Variants in CCDC66 observed in about 807,000 individuals in gnomAD.
CCDC66 encodes coiled-coil domain-containing protein 66.
CCDC66 carries 133 observed loss-of-function variants against 128.3 expected under a neutral mutation model. The observed-to-expected ratio is 1.04, with a 90% confidence interval of 0.90 to 1.20. The LOEUF (loss-of-function observed/expected upper bound fraction) is 1.20, where lower values mean the gene tolerates loss of function less well. Ranked by LOEUF, CCDC66 falls within the 50% of genes most tolerant of loss-of-function variation. The pLI is 0.00. For synonymous variants in CCDC66, 387 were observed against 357.0 expected (o/e 1.08, Z -0.95); for missense variants, 1,126 against 1,075.5 (o/e 1.05, Z -0.66).
chr3:56,568,659 G>C (rs569008721), intron 6 of CCDC66, among the ~76,000 whole-genome samples: 5 of 152,076 alleles, frequency 3.3e-5, no homozygotes, highest in African/African-American at 1.2e-4. Flanking sequence ...CATCCTATGC[G>C]TTTAAGGATG....
At chr3:56,602,901 C>G (rs1051567214) in intron 10 of CCDC66, among the ~76,000 whole-genome samples, 2 of 142,344 alleles carry the variant, frequency 1.4e-5, no homozygotes, top group African/African-American at 5.3e-5. Flanking sequence ...GTGGCATGAT[C>G]TCGGCTCACT....
At chr3:56,571,402 A>T in intron 7 of CCDC66, 100 bp downstream of exon 7, 1 of 810,354 alleles carries the variant, frequency 1.2e-6, no homozygotes, top group Admixed American at 3.2e-5. Flanking sequence ...TTTTTTTGAG[A>T]CGGAGTTTCT....
At chr3:56,611,563 C>G (rs1382272476) in intron 10 of CCDC66, among the ~76,000 whole-genome samples, 1 of 117,296 alleles carries the variant, frequency 8.5e-6, no homozygotes, top group Admixed American at 9.8e-5. Context: ...TTCATGCCCA[C>G]CCCCCACCCC....
chr3:56,613,256 T>G (rs1378149785), intron 10 of CCDC66, among the ~76,000 whole-genome samples: 1 of 152,190 alleles, frequency 6.6e-6, no homozygotes, highest in East Asian at 1.9e-4. Context: ...CAAGGGGCTG[T>G]TTGATGGTTA....
chr3:56,619,562 TGAA>T lies in CCDC66; in HGVS notation c.2635+38_2635+40del, dbSNP rs1394273778. 6 of 1,522,710 alleles carry T rather than the reference TGAA, an allele frequency of 3.9e-6. No individual in the cohort carries two copies. The African/African-American group carries it at 1.1e-4, about 29-fold the overall frequency. The allele number at this position is 1,522,710 out of a possible 1,614,324, so 94.3% of individuals were successfully genotyped here. On this transcript the variant is annotated intron_variant, in intron 16 of 17. Transcript: ENST00000394672. ...TATTAAGCATTCTAACTGTAAAAAT[TGAA>T]GACCCATGTAAACCCCGTCAACAAC...
chr3:56,605,048 C>T (rs563948650), intron 10 of CCDC66, among the ~76,000 whole-genome samples: 7 of 152,064 alleles, frequency 4.6e-5, no homozygotes, highest in Middle Eastern at 3.4e-3. Flanking sequence ...CCCTTTCTTA[C>T]GCTTAATCAG....
In CCDC66 at chr3:56,617,270, G is replaced by A. The variant is rs143439199; in HGVS notation, c.2002G>A (p.Ala668Thr). The part of the protein sequence containing the change: ...NKQELTQDKG[A>T]SLEKENNRCN... ...GCAAGAACTAACTCAGGATAAAGGA[G>A]CCAGCTTAGAAAAAGAAAACAATCG... is the stretch of plus-strand genomic sequence containing the variant. Residue 668 changes from alanine (A) to threonine (T), a missense_variant, in exon 14 of 18, where the codon GCC becomes ACC. By Grantham distance (58) the Ala-to-Thr change is moderately conservative (BLOSUM62 0). Coordinates refer to ENST00000394672, the MANE Select transcript of CCDC66 (RefSeq NM_001141947.3). 29 of 1,613,710 alleles carry A rather than the reference G, an allele frequency of 1.8e-5. No homozygotes were observed. Among genetic ancestry groups the A allele is most frequent in the Non-Finnish European group, 2.4e-5 (28 of 1,179,908 alleles).
rs1449364203 is a variant in CCDC66 at position 56,618,035 on chromosome 3, T to G, written c.2338-137T>G. The G allele has an allele frequency of 2.9e-5, 21 of 714,940 alleles. 1 individual carries two copies. The East Asian group carries it at 5.5e-4, about 19-fold the overall frequency. 44.3% of individuals were successfully genotyped at this position (714,940 alleles called of 1,614,324 possible). On this transcript the variant is annotated intron_variant, in intron 14 of 17. Coordinates refer to ENST00000394672, the MANE Select transcript of CCDC66 (RefSeq NM_001141947.3). ...AGTTTTGACTCTGGAAAAAACTATATCTATTCCATTGCTCAGTCAGTACCT... is the reference window on the plus strand; with the variant it reads ...AGTTTTGACTCTGGAAAAAACTATAGCTATTCCATTGCTCAGTCAGTACCT...
At chr3:56,621,818 T>TAAAAAAAAAAAAAAAAAAAACCGA (rs11401064) in exon 18 of CCDC66, 1 of 133,968 alleles carries the variant, frequency 7.5e-6, no homozygotes, top group Admixed American at 8.0e-5. Context: ...AGCTTAGTAG[T>TAAAAAAAAAAAAAAAAAAAACCGA]AAAAAAAAAA....
chr3:56,621,354 G>T, intron 17 of CCDC66, 178 bp from the exon 18 acceptor site: 1 of 410,436 alleles, frequency 2.4e-6, no homozygotes, highest in Non-Finnish European at 4.4e-6. Context: ...TCTTACAAAT[G>T]TGATAGCTAT....
chr3:56,599,068 CTTT>C (rs1031374480), intron 10 of CCDC66, among the ~76,000 whole-genome samples: 1 of 151,874 alleles, frequency 6.6e-6, no homozygotes, highest in Non-Finnish European at 1.5e-5. Context: ...TGTTGGGAGA[CTTT>C]TTTATTACCA....
rs745614273 is a variant in CCDC66, at chr3:56,619,781, T to G, written c.2640T>G (p.Cys880Trp). 1.9e-6 allele frequency: 3 copies of G among 1,613,866 alleles called. No homozygotes were observed. In the African/African-American group the frequency reaches 4.0e-5, roughly 22 times the overall value. The change falls in exon 17 of 18, where the codon TGT becomes TGG. Residue 880 changes from cysteine (C) to tryptophan (W), a missense_variant. Coordinates refer to ENST00000394672, the MANE Select transcript of CCDC66 (RefSeq NM_001141947.3). ...QDPQYQNSQD[C>W]GQKRQLFDSD... ...GTTACTTTCATCTGGCTTTAGACTGTGGCCAAAAACGACAGCTATTTGATT... is the reference window on the plus strand; with the variant it reads ...GTTACTTTCATCTGGCTTTAGACTGGGGCCAAAAACGACAGCTATTTGATT...
At chr3:56,613,855 A>C in intron 11 of CCDC66, 105 bp downstream of exon 11, 48 of 910,396 alleles carry the variant, frequency 5.3e-5, no homozygotes, top group Non-Finnish European at 8.2e-5. Flanking sequence ...ATCATAGCTC[A>C]CTGCAGTCTT....
chr3:56,559,470 A>G, intron 2 of CCDC66, 99 bp from the exon 3 acceptor site: 1 of 754,960 alleles, frequency 1.3e-6, no homozygotes, highest in Non-Finnish European at 2.1e-6. Context: ...TAATGTTGCT[A>G]GCTTAAAATC....
At chr3:56,576,058 CA>C (rs879615815) in intron 7 of CCDC66, among the ~76,000 whole-genome samples, 33 of 144,750 alleles carry the variant, frequency 2.3e-4, no homozygotes, top group Non-Finnish European at 2.9e-4. Context: ...TCTATTTCTG[CA>C]AAAAAAAAAG....
Position 56,615,171 on chromosome 3 carries a change from A to G in CCDC66, c.1610A>G (p.Gln537Arg), listed in dbSNP as rs1441855123. The change falls in exon 12 of 18, where the codon CAG (glutamine) becomes CGG (arginine). Residue 537 changes from glutamine (Q) to arginine (R), a missense_variant. Physicochemically the swap from Gln to Arg is conservative, Grantham distance 43 (BLOSUM62 1). Coordinates refer to ENST00000394672, the MANE Select transcript of CCDC66 (RefSeq NM_001141947.3). ...LKTNELFQTM[Q>R]RAQELAQRLK... ...ACAAATGAGCTATTCCAGACAATGCAGCGAGCACAGGAACTGGCACAGAGA... is the reference window on the plus strand; with the variant it reads ...ACAAATGAGCTATTCCAGACAATGCGGCGAGCACAGGAACTGGCACAGAGA... The G allele has an allele frequency of 7.4e-6, 12 of 1,614,050 alleles. No individual in the cohort carries two copies. The highest frequency in any genetic ancestry group is 9.3e-6 in the Non-Finnish European group (11 of 1,180,004).
At position 56,605,989 on chromosome 3, in the gene CCDC66, G is replaced by T. The variant is rs553423187; in HGVS notation, c.1405-7600G>T. Among the ~76,000 whole-genome samples, 7 of 152,210 alleles carry T rather than the reference G, an allele frequency of 4.6e-5. 1 individual carries two copies. The highest frequency in any genetic ancestry group is 1.7e-4 in the African/African-American group (7 of 41,468). On this transcript the variant is annotated intron_variant, in intron 10 of 17. Coordinates refer to ENST00000394672, the MANE Select transcript of CCDC66 (RefSeq NM_001141947.3). ...CCTGTCCAAAGAGGAGGAATCTAGA[G>T]AGGCAATCTGGCCACAGCAGCCTTG... is the stretch of plus-strand genomic sequence containing the variant.
intron 4 of CCDC66, among the ~76,000 whole-genome samples, chr3:56,565,611 T>A (rs991261969): frequency 1.3e-5 from 2 of 149,818 alleles, no homozygotes; most frequent in African/African-American, 4.9e-5. Flanking sequence ...TATTTTTATT[T>A]TTTATTTATT....
intron 7 of CCDC66, among the ~76,000 whole-genome samples, chr3:56,576,938 T>A (rs1223780954): frequency 6.6e-6 from 1 of 151,852 alleles, no homozygotes; most frequent in East Asian, 2.0e-4. Flanking sequence ...ATATACCCAG[T>A]AATGGGATGG....
Sources: gnomAD v4.1 joint callset for allele counts (sites outside exome capture counted in the v4.1 genomes callset) on GRCh38, gnomAD v4.1.1 for gene constraint, MANE v1.5 for transcripts, NCBI Gene and HGNC (gene_info 2026-07-23, HGNC 2026-07-21) for gene names.